CFAP299: variants seen among roughly 807,000 people sequenced by gnomAD.
CFAP299 encodes cilia- and flagella-associated protein 299.
Under a neutral mutation model 27.0 loss-of-function variants are expected in CFAP299, and 21 were observed. The observed-to-expected ratio is 0.78, with a 90% CI of 0.55 to 1.12. The LOEUF is 1.12. Ranked by LOEUF, CFAP299 falls within the 50% of genes most tolerant of loss-of-function variation. The pLI is 0.00. For missense variants in CFAP299, 310 were observed against 276.6 expected (o/e 1.12, Z -0.86); for synonymous variants, 104 against 98.1 (o/e 1.06, Z -0.36).
intron 3 of CFAP299, among the ~76,000 whole-genome samples, chr4:80,714,389 T>C (rs1326214546): frequency 1.3e-5 from 2 of 152,140 alleles, no homozygotes; most frequent in South Asian, 2.1e-4. Flanking sequence ...TTGACTTGCA[T>C]TGTGGTTAGA....
intron 3 of CFAP299, among the ~76,000 whole-genome samples, chr4:80,650,723 C>T (rs1261405447): frequency 6.6e-6 from 1 of 152,052 alleles, no homozygotes; most frequent in African/African-American, 2.4e-5. Flanking sequence ...TCTTAACTTC[C>T]CTATCCTAAG....
intron 4 of CFAP299, among the ~76,000 whole-genome samples, chr4:80,875,304 T>C (rs1733312641): frequency 6.6e-6 from 1 of 152,236 alleles, no homozygotes; most frequent in Admixed American, 6.5e-5. Flanking sequence ...ATTGTGTCAA[T>C]GTTTCAGAAA....
chr4:80,746,056 G>A (rs540755806), intron 3 of CFAP299, among the ~76,000 whole-genome samples: 1 of 152,024 alleles, frequency 6.6e-6, no homozygotes, highest in Admixed American at 6.6e-5. Context: ...AAGGTACAAA[G>A]AATTTAGGAC....
chr4:80,539,747 A>G (rs982858614), intron 2 of CFAP299, among the ~76,000 whole-genome samples: 7 of 152,212 alleles, frequency 4.6e-5, no homozygotes, highest in African/African-American at 1.4e-4. Context: ...CAAGTAGAAA[A>G]ATATAGAATC....
intron 2 of CFAP299, among the ~76,000 whole-genome samples, chr4:80,406,977 G>GT (rs937913824): frequency 1.6e-4 from 25 of 151,704 alleles, no homozygotes; most frequent in Non-Finnish European, 2.2e-4. Flanking sequence ...TTTCTACATG[G>GT]TTTTTTTTAA....
intron 3 of CFAP299, among the ~76,000 whole-genome samples, chr4:80,718,646 A>G (rs944520230): frequency 6.6e-6 from 1 of 152,142 alleles, no homozygotes. Flanking sequence ...TAAGTTTCAT[A>G]AAGTATTACG....
chr4:80,864,873 C>T (rs1017117498), intron 3 of CFAP299, among the ~76,000 whole-genome samples: 4 of 152,126 alleles, frequency 2.6e-5, no homozygotes, highest in South Asian at 4.1e-4. Context: ...TTAATTCACA[C>T]ACCAATTTAG....
intron 3 of CFAP299, among the ~76,000 whole-genome samples, chr4:80,856,748 G>A (rs1183754051): frequency 6.6e-6 from 1 of 152,082 alleles, no homozygotes; most frequent in East Asian, 1.9e-4. Context: ...GCTCTGTTCT[G>A]TTCCATTGAT....
chr4:80,722,991 G>T (rs2110047361), intron 3 of CFAP299, among the ~76,000 whole-genome samples: 1 of 152,228 alleles, frequency 6.6e-6, no homozygotes. Context: ...ATAAACACTT[G>T]AAAAGATACT....
At chr4:80,893,738 A>G (rs1734464247) in intron 4 of CFAP299, among the ~76,000 whole-genome samples, 2 of 151,976 alleles carry the variant, frequency 1.3e-5, no homozygotes, top group African/African-American at 4.8e-5. Context: ...AGATGTAGAC[A>G]TAAAACCTGA....
chr4:80,393,937 G>T (rs1725635150), intron 2 of CFAP299, among the ~76,000 whole-genome samples: 1 of 152,162 alleles, frequency 6.6e-6, no homozygotes, highest in Non-Finnish European at 1.5e-5. Flanking sequence ...GTCAAGAGTG[G>T]TGGGAGGTGA....
intron 3 of CFAP299, among the ~76,000 whole-genome samples, chr4:80,753,196 CTA>C (rs1178114917): frequency 2.0e-5 from 3 of 151,772 alleles, no homozygotes; most frequent in African/African-American, 4.8e-5. Flanking sequence ...TGAAATGTCT[CTA>C]TTTATTTTTG....
chr4:80,838,380 G>T (rs1190385105), intron 3 of CFAP299, among the ~76,000 whole-genome samples: 2 of 151,952 alleles, frequency 1.3e-5, no homozygotes, highest in Non-Finnish European at 2.9e-5. Context: ...TTCTTCTAGG[G>T]TTTTATGGTT....
At position 80,386,023 on chromosome 4, in the gene CFAP299, G is replaced by A. The variant is rs17008887; in HGVS notation, c.242+23139G>A. Reference sequence around the variant, plus strand: ...GCAGGAGAGGGGACACCGGAAGGCGGCCATGAGCCAAGGTTTATGAATGAC... The same window carrying A: ...GCAGGAGAGGGGACACCGGAAGGCGACCATGAGCCAAGGTTTATGAATGAC... On this transcript the variant is annotated intron_variant, in intron 2 of 5. Transcript: ENST00000358105. Among the ~76,000 whole-genome samples the A allele has an allele frequency of 1.5e-3, 221 of 152,364 alleles. 3 individuals carry two copies. In the East Asian group the frequency reaches 0.038, roughly 26 times the overall value.
chr4:80,853,124 G>A (rs13103313), intron 3 of CFAP299, among the ~76,000 whole-genome samples: 22,657 of 152,056 alleles, frequency 0.15, 2,039 homozygotes, highest in Middle Eastern at 0.28. Flanking sequence ...TCCGCCTCCA[G>A]GATTCAATTA....
chr4:80,757,555 A>G (rs143857104), intron 3 of CFAP299, among the ~76,000 whole-genome samples: 19 of 152,222 alleles, frequency 1.2e-4, no homozygotes, highest in Non-Finnish European at 2.6e-4. Context: ...CAATCTTTCT[A>G]TCCTGAAGCC....
At chr4:80,431,815 A>G (rs985551416) in intron 2 of CFAP299, among the ~76,000 whole-genome samples, 10 of 152,204 alleles carry the variant, frequency 6.6e-5, no homozygotes, top group Admixed American at 4.6e-4. Flanking sequence ...ATGTGGCTAT[A>G]AAAATTATTC....
chr4:80,605,866 G>GT (rs1334242549), intron 3 of CFAP299, among the ~76,000 whole-genome samples: 1 of 151,886 alleles, frequency 6.6e-6, no homozygotes, highest in Non-Finnish European at 1.5e-5. Flanking sequence ...AACAGTCTGA[G>GT]TTTTTTAACA....
chr4:80,459,394 G>C (rs1729328561), intron 2 of CFAP299, among the ~76,000 whole-genome samples: 1 of 152,192 alleles, frequency 6.6e-6, no homozygotes, highest in Non-Finnish European at 1.5e-5. Flanking sequence ...CAAGATGCCG[G>C]AAGTATGCCA....
Sources: allele counts gnomAD v4.1 joint callset (sites outside exome capture counted in the v4.1 genomes callset), GRCh38; gene constraint gnomAD v4.1.1; transcripts MANE v1.5; gene names NCBI Gene and HGNC (gene_info 2026-07-23, HGNC 2026-07-21).